The following MTMR7 variants were observed in gnomAD, a reference collection of about 807,000 sequenced individuals.
MTMR7 encodes phosphatidylinositol-3-phosphate phosphatase MTMR7.
A neutral mutation model predicts 81.2 loss-of-function variants in MTMR7; 76 were observed. That is an observed-to-expected ratio of 0.94 (90% CI 0.78 to 1.13). The LOEUF is 1.13. Ranked by LOEUF, MTMR7 falls within the 50% of genes most tolerant of loss-of-function variation. The pLI is 0.00. For missense variants in MTMR7, 1,044 were observed against 820.0 expected, an observed-to-expected ratio of 1.27 and a Z score of -3.34; for synonymous variants, 372 against 289.8, an observed-to-expected ratio of 1.28 and a Z score of -2.88.
intron 4 of MTMR7, among the ~76,000 whole-genome samples, chr8:17,356,532 C>G (rs1819894539): frequency 6.6e-6 from 1 of 151,826 alleles, no homozygotes; most frequent in Admixed American, 6.6e-5. Flanking sequence ...AATACCATCT[C>G]TACTACTACT....
In MTMR7 at chr8:17,361,240, G is replaced by A. The variant is rs537103148; in HGVS notation, c.345C>T (p.Asn115=). 1 of 1,614,140 alleles carries A rather than the reference G, an allele frequency of 6.2e-7. No individual in the cohort carries two copies. Among genetic ancestry groups the A allele is most frequent in the East Asian group, 2.2e-5 (1 of 44,878 alleles). The part of the protein sequence containing the change: ...KYEELYCFSF[N]PMLDKEEREQ... ...CTCTTTCTTCTTTATCCAGCATGGG[G>A]TTGAATGAAAAGCAGTATAACTCCT... The change falls in exon 4 of 14, where the codon AAC becomes AAT. Residue 115 remains asparagine (N), a synonymous_variant. Coordinates refer to ENST00000180173, the MANE Select transcript of MTMR7 (RefSeq NM_004686.5).
chr8:17,393,626 C>T (rs570482011), intron 1 of MTMR7, among the ~76,000 whole-genome samples: 3 of 152,244 alleles, frequency 2.0e-5, no homozygotes, highest in South Asian at 4.1e-4. Flanking sequence ...CATGTTTTCA[C>T]TTGTAAGTGG....
At position 17,384,892 on chromosome 8, in the gene MTMR7, G is replaced by T. The variant is rs77281964; in HGVS notation, c.25-11652C>A. Among the ~76,000 whole-genome samples the T allele has an allele frequency of 7.7e-3, 1,165 of 152,240 alleles. 21 individuals carry two copies. The highest frequency in any genetic ancestry group is 0.027 in the African/African-American group (1,103 of 41,544). ...CCAGGACTATTTTATTCAAACATCA[G>T]AGATTAGAGAAGAATTGAGCATAAT... On this transcript the variant is annotated intron_variant, in intron 1 of 13. Transcript: ENST00000180173.
At chr8:17,393,768 C>T (rs142060693) in intron 1 of MTMR7, among the ~76,000 whole-genome samples, 57 of 152,192 alleles carry the variant, frequency 3.7e-4, no homozygotes, top group South Asian at 1.0e-3. Context: ...ACCTAGATGA[C>T]GAGATGATCT....
rs542982287 is a variant in MTMR7 at position 17,359,772 on chromosome 8, A to G, written c.468+1345T>C. ...AAATTAAAATAAGAAATCACTCATT[A>G]TACCATCAAGGTATCAAAAGATTTT... On this transcript the variant is annotated intron_variant, in intron 4 of 13. Transcript: ENST00000180173. 7.9e-5 allele frequency among the ~76,000 whole-genome samples: 12 copies of G among 152,290 alleles called. 1 individual carries two copies. In the South Asian group the frequency reaches 2.3e-3, roughly 29 times the overall value.
At chr8:17,410,310 G>A (rs980985786) in intron 1 of MTMR7, among the ~76,000 whole-genome samples, 1 of 152,152 alleles carries the variant, frequency 6.6e-6, no homozygotes, top group Middle Eastern at 3.2e-3. Context: ...AGCATATAAA[G>A]TAGAAATCAC....
At chr8:17,345,545 G>C (rs1819530545) in intron 5 of MTMR7, among the ~76,000 whole-genome samples, 1 of 152,208 alleles carries the variant, frequency 6.6e-6, no homozygotes, top group African/African-American at 2.4e-5. Flanking sequence ...CCAGTGTCAA[G>C]TGCTGTGTGT....
chr8:17,351,718 C>T (rs752652690), intron 4 of MTMR7, among the ~76,000 whole-genome samples: 1 of 152,218 alleles, frequency 6.6e-6, no homozygotes, highest in Non-Finnish European at 1.5e-5. Context: ...CCATGGGTCA[C>T]AGCTTAAGTT....
At chr8:17,326,469 G>C (rs1202590640) in intron 7 of MTMR7, 1 of 152,208 alleles carries the variant, frequency 6.6e-6, no homozygotes, top group Admixed American at 6.5e-5. Flanking sequence ...GTGGTCACAA[G>C]CTGTGAGCTT....
intron 1 of MTMR7, among the ~76,000 whole-genome samples, chr8:17,395,432 C>CT (rs1821219004): frequency 2.0e-5 from 3 of 152,118 alleles, no homozygotes; most frequent in African/African-American, 7.2e-5. Context: ...GGGGTATATA[C>CT]CCAGGAGTGG....
chr8:17,312,944 A>T (rs1014062122), intron 8 of MTMR7, among the ~76,000 whole-genome samples: 11 of 152,236 alleles, frequency 7.2e-5, no homozygotes, highest in African/African-American at 2.7e-4. Context: ...CCATGACTAA[A>T]AAGAAGGCTC....
chr8:17,381,670 G>C (rs1820765471), intron 1 of MTMR7, among the ~76,000 whole-genome samples: 1 of 152,186 alleles, frequency 6.6e-6, no homozygotes, highest in African/African-American at 2.4e-5. Flanking sequence ...TCAGGCTCCA[G>C]ATCACTGTCA....
intron 7 of MTMR7, among the ~76,000 whole-genome samples, chr8:17,325,606 A>G (rs952616585): frequency 3.9e-5 from 6 of 152,156 alleles, no homozygotes; most frequent in Non-Finnish European, 8.8e-5. Flanking sequence ...TGCGTCCCAC[A>G]TGCTCTGGGC....
chr8:17,407,963 T>C (rs1267669486), intron 1 of MTMR7, among the ~76,000 whole-genome samples: 1 of 152,188 alleles, frequency 6.6e-6, no homozygotes, highest in Non-Finnish European at 1.5e-5. Flanking sequence ...GAGATCACTA[T>C]TTGCCCACGG....
chr8:17,352,341 G>A (rs1176866250), intron 4 of MTMR7, among the ~76,000 whole-genome samples: 1 of 152,130 alleles, frequency 6.6e-6, no homozygotes, highest in Non-Finnish European at 1.5e-5. Flanking sequence ...ACTCAATGGG[G>A]TAAGATTAGT....
intron 13 of MTMR7, among the ~76,000 whole-genome samples, chr8:17,301,154 C>G (rs557994868): frequency 6.6e-6 from 1 of 152,190 alleles, no homozygotes; most frequent in African/African-American, 2.4e-5. Context: ...TGCAAAAGCA[C>G]TGTGCTGGGC....
At chr8:17,407,866 T>C (rs1821632506) in intron 1 of MTMR7, among the ~76,000 whole-genome samples, 1 of 152,230 alleles carries the variant, frequency 6.6e-6, no homozygotes, top group Admixed American at 6.5e-5. Context: ...CCCTTGGAGC[T>C]GACAGTATAC....
chr8:17,397,498 G>C (rs2150581475), intron 1 of MTMR7, among the ~76,000 whole-genome samples: 1 of 152,324 alleles, frequency 6.6e-6, no homozygotes, highest in East Asian at 1.9e-4. Flanking sequence ...GCAGAAAGGA[G>C]AGGGAAGAGC....
intron 13 of MTMR7, 157 bp downstream of exon 13, chr8:17,301,997 A>T: frequency 1.1e-6 from 1 of 917,682 alleles, no homozygotes; most frequent in African/African-American, 1.7e-5. Flanking sequence ...GGCTTCGGTT[A>T]TCTGAGTCCT....
Sources: gnomAD v4.1 joint callset for allele counts (sites outside exome capture counted in the v4.1 genomes callset) on GRCh38, gnomAD v4.1.1 for gene constraint, MANE v1.5 for transcripts, NCBI Gene and HGNC (gene_info 2026-07-23, HGNC 2026-07-21) for gene names.